Variants in LIMCH1 observed in about 807,000 individuals in gnomAD.
LIMCH1 encodes the protein LIM and calponin homology domains 1, also known as LIM and calponin homology domains-containing protein 1.
A neutral mutation model predicts 176.5 loss-of-function variants in LIMCH1; 113 were observed. The ratio of observed to expected loss-of-function variants is 0.64; its 90% CI spans 0.55 to 0.75. LIMCH1 has a LOEUF of 0.75. LIMCH1 is among the 30% of genes least tolerant of loss of function. The probability of loss-of-function intolerance (pLI) is 0.00; values close to 1 mark genes in which losing one functional copy is unlikely to be tolerated. For synonymous variants in LIMCH1, 619 were observed against 645.9 expected (o/e 0.96, Z 0.63); for missense variants, 1,674 against 1,814.9 (o/e 0.92, Z 1.41).
At chr4:41,671,084 A>G in intron 21 of LIMCH1, 1 of 722,974 alleles carries the variant, frequency 1.4e-6, no homozygotes, top group Non-Finnish European at 1.7e-6. Context: ...GATTAAAAGC[A>G]TTTACCAGAA....
At chr4:41,487,520 G>A (rs1055695804) in intron 1 of LIMCH1, among the ~76,000 whole-genome samples, 3 of 152,062 alleles carry the variant, frequency 2.0e-5, no homozygotes, top group Non-Finnish European at 2.9e-5. Flanking sequence ...CTTTTGATTA[G>A]CAGACTGACT....
At chr4:41,531,864 T>A (rs2077362071) in intron 3 of LIMCH1, among the ~76,000 whole-genome samples, 1 of 152,164 alleles carries the variant, frequency 6.6e-6, no homozygotes, top group Non-Finnish European at 1.5e-5. Context: ...GGGGTCGTCC[T>A]CCCCTTCTTT....
intron 1 of LIMCH1, among the ~76,000 whole-genome samples, chr4:41,471,019 A>G (rs1423948379): frequency 6.9e-6 from 1 of 145,238 alleles, no homozygotes. Context: ...AGTCTTTCCA[A>G]ACTAAGACTT....
At chr4:41,418,156 G>A (rs1561303116) in intron 1 of LIMCH1, among the ~76,000 whole-genome samples, 1 of 152,186 alleles carries the variant, frequency 6.6e-6, no homozygotes, top group Non-Finnish European at 1.5e-5. Context: ...GATAGGTGAA[G>A]TTTTAGCGAA....
chr4:41,464,997 A>C (rs2065915069), intron 1 of LIMCH1, among the ~76,000 whole-genome samples: 1 of 151,806 alleles, frequency 6.6e-6, no homozygotes, highest in South Asian at 2.1e-4. Context: ...CGTGCCTCTC[A>C]TCTCTTTGTC....
At chr4:41,501,264 C>G (rs2073217284) in intron 2 of LIMCH1, among the ~76,000 whole-genome samples, 1 of 152,164 alleles carries the variant, frequency 6.6e-6, no homozygotes, top group Admixed American at 6.5e-5. Flanking sequence ...TGAGAAAGAG[C>G]CTGCTAGTGG....
At chr4:41,362,883 C>G (rs914461272) in intron 1 of LIMCH1, among the ~76,000 whole-genome samples, 5 of 152,140 alleles carry the variant, frequency 3.3e-5, no homozygotes, top group African/African-American at 9.7e-5. Context: ...TCATTAAGCC[C>G]TATAGACAGT....
At chr4:41,511,371 G>A (rs2152354664) in intron 2 of LIMCH1, among the ~76,000 whole-genome samples, 1 of 152,314 alleles carries the variant, frequency 6.6e-6, no homozygotes, top group African/African-American at 2.4e-5. Flanking sequence ...CATCCCCAGT[G>A]CTGCAACCTG....
Position 41,620,664 on chromosome 4 carries a change from C to A in LIMCH1, c.699C>A (p.Val233=). ...GGCTAGAGCAAGCTGGAATCAAGGT[C>A]ATGCCAGCAGCACAGCGCTTTGCCA... ...RKRLEQAGIK[V]MPAAQRFASQ... is the part of the protein sequence containing the mutation. The change falls in exon 7 of 32, where the codon GTC becomes GTA. Residue 233 remains valine, a synonymous_variant. Transcript: ENST00000503057. 6.5e-7 allele frequency: 1 copy of A among 1,535,856 alleles called. No homozygotes were observed. The highest frequency in any genetic ancestry group is 1.2e-5 in the South Asian group (1 of 83,982).
At chr4:41,495,559 T>C (rs1338511218) in intron 2 of LIMCH1, among the ~76,000 whole-genome samples, 1 of 152,192 alleles carries the variant, frequency 6.6e-6, no homozygotes, top group Non-Finnish European at 1.5e-5. Flanking sequence ...ACTTTCAGAA[T>C]ATTGCTTGGG....
chr4:41,575,776 A>T (rs1318477663), intron 1 of LIMCH1, among the ~76,000 whole-genome samples: 1 of 152,142 alleles, frequency 6.6e-6, no homozygotes, highest in African/African-American at 2.4e-5. Flanking sequence ...TGCCTCTTGC[A>T]ATGTTGAGAT....
At chr4:41,676,042 A>C (rs1009957715) in intron 22 of LIMCH1, among the ~76,000 whole-genome samples, 6 of 152,254 alleles carry the variant, frequency 3.9e-5, no homozygotes, top group African/African-American at 1.4e-4. Flanking sequence ...ATCAATATGC[A>C]GAATGAGCAC....
intron 3 of LIMCH1, among the ~76,000 whole-genome samples, chr4:41,525,988 GA>G (rs1329590586): frequency 6.6e-6 from 1 of 152,060 alleles, no homozygotes; most frequent in Admixed American, 6.6e-5. Context: ...TAGCTAAAGA[GA>G]AAAGGCTTTC....
intron 1 of LIMCH1, among the ~76,000 whole-genome samples, chr4:41,557,213 G>A (rs2081387154): frequency 6.6e-6 from 1 of 152,122 alleles, no homozygotes; most frequent in Admixed American, 6.6e-5. Context: ...ATCAATACCA[G>A]GATGGAGGAG....
chr4:41,562,369 CCT>C (rs890299405), intron 1 of LIMCH1, among the ~76,000 whole-genome samples: 3 of 152,086 alleles, frequency 2.0e-5, no homozygotes, highest in Non-Finnish European at 2.9e-5. Context: ...TCCCTTGTCT[CCT>C]GTAACATTTG....
intron 1 of LIMCH1, among the ~76,000 whole-genome samples, chr4:41,541,351 C>T (rs186302136): frequency 7.4e-4 from 112 of 152,292 alleles, no homozygotes; most frequent in Admixed American, 2.2e-3. Context: ...CTGGGTACTG[C>T]CGCAGCAGGT....
intron 17 of LIMCH1, among the ~76,000 whole-genome samples, chr4:41,648,630 A>G (rs991822946): frequency 1.3e-5 from 2 of 150,344 alleles, no homozygotes; most frequent in African/African-American, 4.9e-5. Flanking sequence ...ACCAGCTAAT[A>G]ATGCCAGGAC....
chr4:41,404,054 A>G (rs2058722825), intron 1 of LIMCH1, among the ~76,000 whole-genome samples: 1 of 152,238 alleles, frequency 6.6e-6, no homozygotes, highest in South Asian at 2.1e-4. Context: ...AGTGCATGCC[A>G]GAGCTAGGAT....
At chr4:41,504,358 G>A (rs2073862740) in intron 2 of LIMCH1, among the ~76,000 whole-genome samples, 1 of 152,188 alleles carries the variant, frequency 6.6e-6, no homozygotes, top group African/African-American at 2.4e-5. Flanking sequence ...GATCCCTGTG[G>A]AGCTGTTCAA....
Sources: gnomAD v4.1 joint callset for allele counts (sites outside exome capture counted in the v4.1 genomes callset) on GRCh38, gnomAD v4.1.1 for gene constraint, MANE v1.5 for transcripts, NCBI Gene and HGNC (gene_info 2026-07-23, HGNC 2026-07-21) for gene names.